DLG2: variants seen among roughly 807,000 people sequenced by gnomAD.
The protein encoded by DLG2 is disks large homolog 2.
A neutral mutation model predicts 132.5 loss-of-function variants in DLG2; 45 were observed. That is an observed-to-expected ratio of 0.34 (90% CI 0.27 to 0.44). The LOEUF is 0.44. Ranked by LOEUF, DLG2 falls within the 20% of genes least tolerant of loss-of-function variation. The probability of loss-of-function intolerance (pLI) is 1.00; values close to 1 mark genes in which losing one functional copy is unlikely to be tolerated. For missense variants in DLG2, 1,045 were observed against 1,196.9 expected, an observed-to-expected ratio of 0.87 and a Z score of 1.87; for synonymous variants, 424 against 419.6, an observed-to-expected ratio of 1.01 and a Z score of -0.13.
intron 7 of DLG2, among the ~76,000 whole-genome samples, chr11:84,451,676 A>G (rs2099052031): frequency 6.6e-6 from 1 of 151,844 alleles, no homozygotes; most frequent in African/African-American, 2.4e-5. Flanking sequence ...GGTCGTAACA[A>G]TGAACAAAAC....
At chr11:85,473,234 C>T (rs189630753) in intron 3 of DLG2, among the ~76,000 whole-genome samples, 138 of 152,278 alleles carry the variant, frequency 9.1e-4, no homozygotes, top group African/African-American at 3.1e-3. Flanking sequence ...GCTGAGTGGG[C>T]GGAGCTAGCT....
chr11:83,656,488 TC>T (rs2153532623), intron 18 of DLG2, among the ~76,000 whole-genome samples: 1 of 152,144 alleles, frequency 6.6e-6, no homozygotes, highest in Non-Finnish European at 1.5e-5. Flanking sequence ...TGCCTACTTT[TC>T]CTCCCCAGTA....
intron 4 of DLG2, among the ~76,000 whole-genome samples, chr11:85,186,187 A>G (rs2080084358): frequency 6.6e-6 from 1 of 152,038 alleles, no homozygotes. Flanking sequence ...GAGCCATAGT[A>G]AAATTTTGTA....
intron 8 of DLG2, among the ~76,000 whole-genome samples, chr11:84,226,693 A>C (rs2097000214): frequency 6.6e-6 from 1 of 152,228 alleles, no homozygotes; most frequent in Admixed American, 6.5e-5. Flanking sequence ...AAAACAATTT[A>C]CTACAAGTCT....
intron 4 of DLG2, among the ~76,000 whole-genome samples, chr11:85,264,679 G>A (rs1044467329): frequency 1.3e-5 from 2 of 152,058 alleles, no homozygotes; most frequent in African/African-American, 4.8e-5. Flanking sequence ...GTATCCACAT[G>A]GAACCTCCCA....
chr11:83,927,596 G>T (rs539891550), intron 15 of DLG2, among the ~76,000 whole-genome samples: 1 of 152,136 alleles, frequency 6.6e-6, no homozygotes, highest in Non-Finnish European at 1.5e-5. Context: ...GTGAAATGAG[G>T]TATCCAAGAG....
At position 84,850,499 on chromosome 11, in the gene DLG2, A is replaced by G. The variant is rs1029814046; in HGVS notation, c.357+261162T>C. Among the ~76,000 whole-genome samples, 3 of 152,274 alleles carry G rather than the reference A, an allele frequency of 2.0e-5. No individual in the cohort carries two copies. In the East Asian group the frequency reaches 5.8e-4, roughly 29 times the overall value. On this transcript the variant is annotated intron_variant, in intron 6 of 27. Coordinates refer to ENST00000376104, the MANE Select transcript of DLG2 (RefSeq NM_001142699.3). ...TTCCACTAGGGTGAGGAATAAGACA[A>G]GGGTGTTTGCTCTTACCACTTGTAT...
At chr11:83,652,017 A>T (rs908761127) in intron 18 of DLG2, 1 of 326,816 alleles carries the variant, frequency 3.1e-6, no homozygotes, top group Non-Finnish European at 6.5e-6. Context: ...GCCCTGTTAG[A>T]GAATTGAATT....
chr11:84,279,209 T>G (rs988487178), intron 7 of DLG2, among the ~76,000 whole-genome samples: 1 of 151,996 alleles, frequency 6.6e-6, no homozygotes, highest in Non-Finnish European at 1.5e-5. Flanking sequence ...AAAAAACATA[T>G]GAAAAAAGCT....
chr11:85,443,447 C>A (rs2091877025), intron 3 of DLG2, among the ~76,000 whole-genome samples: 1 of 152,134 alleles, frequency 6.6e-6, no homozygotes, highest in Non-Finnish European at 1.5e-5. Context: ...AAAGACAGAA[C>A]CTCTTTAAGA....
At chr11:83,921,351 A>G (rs1183409647) in intron 15 of DLG2, among the ~76,000 whole-genome samples, 1 of 152,176 alleles carries the variant, frequency 6.6e-6, no homozygotes, top group Non-Finnish European at 1.5e-5. Flanking sequence ...AATAAAATTA[A>G]TATTCTAAGT....
At chr11:85,478,016 T>C (rs1000037266) in intron 3 of DLG2, among the ~76,000 whole-genome samples, 2 of 151,936 alleles carry the variant, frequency 1.3e-5, no homozygotes, top group Admixed American at 6.6e-5. Flanking sequence ...ATAGCACTTT[T>C]TTTTTTTTAA....
chr11:83,775,903 T>C (rs2153800380), intron 18 of DLG2, among the ~76,000 whole-genome samples: 1 of 152,160 alleles, frequency 6.6e-6, no homozygotes, highest in South Asian at 2.1e-4. Context: ...CCATCCTGGC[T>C]AATACGGTGA....
At chr11:83,739,125 C>A (rs1226063166) in intron 18 of DLG2, among the ~76,000 whole-genome samples, 1 of 152,116 alleles carries the variant, frequency 6.6e-6, no homozygotes, top group Admixed American at 6.6e-5. Flanking sequence ...AAGGGCTTCA[C>A]TGTGCCCCCA....
At chr11:83,671,449 G>A (rs2076810327) in intron 18 of DLG2, among the ~76,000 whole-genome samples, 2 of 152,126 alleles carry the variant, frequency 1.3e-5, no homozygotes, top group Admixed American at 6.5e-5. Context: ...AGCAGTCAAT[G>A]GAAGGACAAA....
At chr11:84,777,300 T>TAC (rs1242025426) in intron 6 of DLG2, among the ~76,000 whole-genome samples, 1 of 130,396 alleles carries the variant, frequency 7.7e-6, no homozygotes, top group South Asian at 2.6e-4. Flanking sequence ...TATATATATA[T>TAC]ATATATATAT....
intron 18 of DLG2, among the ~76,000 whole-genome samples, chr11:83,773,033 G>T (rs1271857822): frequency 6.6e-6 from 1 of 152,238 alleles, no homozygotes; most frequent in East Asian, 1.9e-4. Flanking sequence ...CATCAAACAG[G>T]TAAATAAGTT....
chr11:83,657,686 C>T (rs1417762633), intron 18 of DLG2, among the ~76,000 whole-genome samples: 3 of 151,712 alleles, frequency 2.0e-5, no homozygotes, highest in East Asian at 1.9e-4. Flanking sequence ...CTACAGGCAC[C>T]CGCCACCATG....
At chr11:85,530,386 T>C (rs549356771) in intron 3 of DLG2, among the ~76,000 whole-genome samples, 76 of 151,670 alleles carry the variant, frequency 5.0e-4, no homozygotes, top group African/African-American at 1.6e-3. Flanking sequence ...AGTGGCATGA[T>C]CTTGGCTCAC....
Sources: allele counts gnomAD v4.1 joint callset (sites outside exome capture counted in the v4.1 genomes callset), GRCh38; gene constraint gnomAD v4.1.1; transcripts MANE v1.5; gene names NCBI Gene and HGNC (gene_info 2026-07-23, HGNC 2026-07-21).